Variants in ZCCHC9 observed in about 807,000 individuals in gnomAD.
ZCCHC9 encodes the protein zinc finger CCHC-type containing 9.
In ZCCHC9, 18 loss-of-function variants were observed where a neutral mutation model predicts 30.8. That is an observed-to-expected ratio of 0.58 (90% CI 0.40 to 0.87). The LOEUF (loss-of-function observed/expected upper bound fraction) is 0.87, where lower values mean the gene tolerates loss of function less well. ZCCHC9 is among the 40% of genes least tolerant of loss of function. The pLI is 0.00. For synonymous variants in ZCCHC9, 94 were observed against 106.7 expected, an observed-to-expected ratio of 0.88 and a Z score of 0.73; for missense variants, 279 against 331.2, an observed-to-expected ratio of 0.84 and a Z score of 1.22.
At chr5:81,304,614 G>A in intron 1 of ZCCHC9, 127 bp from the exon 2 acceptor site, 2 of 709,898 alleles carry the variant, frequency 2.8e-6, no homozygotes, top group Non-Finnish European at 4.4e-6. Flanking sequence ...GAAATAAAAA[G>A]TGTTTTAATA....
intron 4 of ZCCHC9, 104 bp downstream of exon 4, chr5:81,309,142 C>G: frequency 1.2e-6 from 1 of 862,994 alleles, no homozygotes; most frequent in Non-Finnish European, 1.7e-6. Context: ...GAATAAATTG[C>G]AAAACCTTGA....
At chr5:81,305,526 G>A (rs1285880298) in intron 2 of ZCCHC9, among the ~76,000 whole-genome samples, 1 of 151,934 alleles carries the variant, frequency 6.6e-6, no homozygotes, top group Admixed American at 6.6e-5. Flanking sequence ...AGGAAGCTGA[G>A]GCGGGAGGAT....
chr5:81,311,409 A>G (rs1007508167), intron 5 of ZCCHC9, 130 bp downstream of exon 5: 251 of 958,350 alleles, frequency 2.6e-4, no homozygotes, highest in Non-Finnish European at 3.6e-4. Context: ...TACTGTAGCA[A>G]TGACTTAATC....
At chr5:81,310,995 C>T (rs1566432) in intron 4 of ZCCHC9, among the ~76,000 whole-genome samples, 26,247 of 152,106 alleles carry the variant, frequency 0.17, 2,573 homozygotes, top group Admixed American at 0.27. Context: ...AGGCCAGGTG[C>T]AAGAAGCAGT....
rs559963428 is a variant in ZCCHC9 at position 81,305,583 on chromosome 5, C to T, written c.384+442C>T. Among the ~76,000 whole-genome samples the T allele has an allele frequency of 1.5e-4, 21 of 137,490 alleles. No individual in the cohort carries two copies. The South Asian group carries it at 2.8e-3, about 19-fold the overall frequency. The allele number at this position is 137,490 out of a possible 152,430, so 90.2% of individuals were successfully genotyped here. ...GACGAGCCAGGGCCACATAGGGAGA[C>T]GCCATGTCTACCAAAAAAAAAAAAA... On this transcript the variant is annotated intron_variant, in intron 2 of 5. Coordinates refer to ENST00000407610, the MANE Select transcript of ZCCHC9 (RefSeq NM_001131035.2).
chr5:81,308,444 T>C, intron 2 of ZCCHC9, 117 bp from the exon 3 acceptor site: 1 of 1,309,924 alleles, frequency 7.6e-7, no homozygotes, highest in Non-Finnish European at 1.0e-6. Flanking sequence ...AATATTGAGA[T>C]TTCAGAAAAA....
chr5:81,309,195 T>A (rs1189671134), intron 4 of ZCCHC9, 157 bp downstream of exon 4: 2 of 510,546 alleles, frequency 3.9e-6, no homozygotes, highest in Non-Finnish European at 3.3e-6. Flanking sequence ...TGTACTAGGC[T>A]TTTTGTGCAA....
chr5:81,310,477 GA>G lies in ZCCHC9; in HGVS notation c.629-724del, dbSNP rs888944952. Among the ~76,000 whole-genome samples, 218 of 145,878 alleles carry G rather than the reference GA, an allele frequency of 1.5e-3. 1 individual carries two copies. In the East Asian group the frequency reaches 0.026, roughly 17 times the overall value. ...TTAAAAATAAAGTCAAGATTTGGGGGAAAAAAAAAAGAAAATTCAGCCAGAT... is the reference window on the plus strand; with the variant it reads ...TTAAAAATAAAGTCAAGATTTGGGGGAAAAAAAAAGAAAATTCAGCCAGAT... On this transcript the variant is annotated intron_variant, in intron 4 of 5. Transcript: ENST00000407610.
intron 5 of ZCCHC9, among the ~76,000 whole-genome samples, chr5:81,312,014 T>C (rs1225761552): frequency 1.3e-5 from 2 of 152,192 alleles, no homozygotes; most frequent in African/African-American, 4.8e-5. Context: ...ATCCCTAACA[T>C]TTAAATTTGA....
chr5:81,312,611 A>G lies in ZCCHC9; in HGVS notation c.765A>G (p.Val255=), dbSNP rs1303015101. 6.2e-7 allele frequency: 1 copy of G among 1,614,002 alleles called. No homozygotes were observed. The highest frequency in any genetic ancestry group is 8.5e-7 in the Non-Finnish European group (1 of 1,179,868). The stretch of plus-strand genomic sequence containing the variant: ...CAGACTATGAAGAAATTTTGGATGT[A>G]CCTAAACCGCAAAAACCCAAAACAA... ...MSADYEEILD[V]PKPQKPKTKI... The change falls in exon 6 of 6, where the codon GTA becomes GTG. Residue 255 remains valine, a synonymous_variant. Transcript: ENST00000407610.
chr5:81,304,083 T>G (rs1758028694), intron 1 of ZCCHC9: 1 of 152,252 alleles, frequency 6.6e-6, no homozygotes, highest in Non-Finnish European at 1.5e-5. Flanking sequence ...GATTTTGGTG[T>G]GAAATATATC....
intron 4 of ZCCHC9, among the ~76,000 whole-genome samples, chr5:81,309,572 G>A (rs1436522864): frequency 2.0e-5 from 3 of 152,198 alleles, no homozygotes; most frequent in Non-Finnish European, 4.4e-5. Flanking sequence ...GGCGGAGGTT[G>A]TTATCTGTTA....
chr5:81,307,468 A>T (rs1192755872), intron 2 of ZCCHC9, among the ~76,000 whole-genome samples: 1 of 151,230 alleles, frequency 6.6e-6, no homozygotes, highest in East Asian at 2.0e-4. Context: ...CCTGGCCAAC[A>T]TGATGAAATC....
At position 81,309,198 on chromosome 5, in the gene ZCCHC9, T is replaced by C. The variant is rs1758191449; in HGVS notation, c.628+160T>C. The C allele has an allele frequency of 6.0e-6, 3 of 500,338 alleles. No homozygotes were observed. The East Asian group carries it at 9.7e-5, about 16-fold the overall frequency. 31.0% of individuals were successfully genotyped at this position (500,338 alleles called of 1,614,324 possible). ...AGTGCTATCATATGTACTAGGCTTT[T>C]TGTGCAATTTGACTTCAGATGTTAA... is the stretch of plus-strand genomic sequence containing the variant. On this transcript the variant is annotated intron_variant, in intron 4 of 5. Transcript: ENST00000407610.
chr5:81,301,692 C>T lies in ZCCHC9; in HGVS notation c.-24C>T, dbSNP rs1328875731. 1 of 152,434 alleles carries T rather than the reference C, an allele frequency of 6.6e-6. No homozygotes were observed. Among genetic ancestry groups the T allele is most frequent in the Non-Finnish European group, 1.5e-5 (1 of 68,278 alleles). The allele number at this position is 152,434 out of a possible 1,614,324, so 9.4% of individuals were successfully genotyped here. On this transcript the variant is annotated 5_prime_UTR_variant, in exon 1 of 6. Transcript: ENST00000407610. ...CGCGGTAAGAAGCTGCGCGGTAGCG[C>T]GGTGAGGTGAGGTTCTCAGCCACCA... is the stretch of plus-strand genomic sequence containing the variant.
chr5:81,308,847 A>T (rs986956839), intron 3 of ZCCHC9, 99 bp from the exon 4 acceptor site: 32 of 1,377,940 alleles, frequency 2.3e-5, no homozygotes, highest in Non-Finnish European at 2.9e-5. Flanking sequence ...ATTTTAAGTT[A>T]TGTAAATATA....
At position 81,311,299 on chromosome 5, in the gene ZCCHC9, A is replaced by G. The variant is rs777892843; in HGVS notation, c.697+20A>G. 11 of 1,611,538 alleles carry G rather than the reference A, an allele frequency of 6.8e-6. No individual in the cohort carries two copies. The African/African-American group carries it at 1.2e-4, about 18-fold the overall frequency. Reference sequence around the variant, plus strand: ...ATTCAGGTGAGATCTCTGGGCCTCTACTTAGAAGGGGTGAGATTAGTATTC... The same window carrying G: ...ATTCAGGTGAGATCTCTGGGCCTCTGCTTAGAAGGGGTGAGATTAGTATTC... On this transcript the variant is annotated intron_variant, in intron 5 of 5. Transcript: ENST00000407610.
intron 2 of ZCCHC9, among the ~76,000 whole-genome samples, chr5:81,306,419 A>T (rs191618760): frequency 7.9e-5 from 12 of 152,174 alleles, no homozygotes; most frequent in African/African-American, 2.9e-4. Flanking sequence ...TGGTATCAGG[A>T]TAGAGTTTTG....
At chr5:81,303,868 T>G (rs931030787) in intron 1 of ZCCHC9, 1 of 152,254 alleles carries the variant, frequency 6.6e-6, no homozygotes, top group African/African-American at 2.4e-5. Context: ...TCTTTGATTA[T>G]GGCTGAATGT....
Sources: gnomAD v4.1 joint callset for allele counts (sites outside exome capture counted in the v4.1 genomes callset) on GRCh38, gnomAD v4.1.1 for gene constraint, MANE v1.5 for transcripts, NCBI Gene and HGNC (gene_info 2026-07-23, HGNC 2026-07-21) for gene names.